The following MYO1B variants were observed in gnomAD, a reference collection of about 807,000 sequenced individuals.
The protein encoded by MYO1B is myosin IB.
Under a neutral mutation model 159.7 loss-of-function variants are expected in MYO1B, and 72 were observed. The observed-to-expected ratio is 0.45, with a 90% CI of 0.37 to 0.55. The LOEUF is 0.55. MYO1B is among the 20% of genes least tolerant of loss of function. MYO1B has a pLI of 0.00. For missense variants in MYO1B, 1,062 were observed against 1,364.8 expected (o/e 0.78, Z 3.50); for synonymous variants, 468 against 473.8 (o/e 0.99, Z 0.16).
chr2:191,400,971 C>T, intron 23 of MYO1B, 136 bp downstream of exon 23: 1 of 784,938 alleles, frequency 1.3e-6, no homozygotes, highest in Non-Finnish European at 2.0e-6. Flanking sequence ...CCAGATTTAA[C>T]ACACCTGGAA....
chr2:191,305,825 G>A (rs577273092), intron 3 of MYO1B, among the ~76,000 whole-genome samples: 7 of 152,298 alleles, frequency 4.6e-5, no homozygotes, highest in Admixed American at 3.9e-4. Context: ...AGCCCTGCCT[G>A]AGGAGCTAGG....
chr2:191,315,146 ACCGT>A (rs1025962897), intron 3 of MYO1B, among the ~76,000 whole-genome samples: 25 of 130,002 alleles, frequency 1.9e-4, no homozygotes, highest in African/African-American at 7.0e-4. Flanking sequence ...TTATCCTCCC[ACCGT>A]CCGTCCGTCC....
At chr2:191,296,516 A>G (rs1688994616) in intron 3 of MYO1B, among the ~76,000 whole-genome samples, 1 of 152,232 alleles carries the variant, frequency 6.6e-6, no homozygotes, top group Admixed American at 6.5e-5. Context: ...TGCAAATAAA[A>G]CAGGAATGTG....
At chr2:191,353,534 C>G (rs974540846) in intron 7 of MYO1B, among the ~76,000 whole-genome samples, 3 of 152,200 alleles carry the variant, frequency 2.0e-5, no homozygotes, top group African/African-American at 7.2e-5. Flanking sequence ...GTTCACATTA[C>G]CTTATCAAGA....
intron 2 of MYO1B, among the ~76,000 whole-genome samples, chr2:191,289,274 C>T (rs925664529): frequency 3.3e-5 from 5 of 152,162 alleles, no homozygotes; most frequent in African/African-American, 4.8e-5. Context: ...TGCTTTTTAC[C>T]AAAGCTTCCC....
intron 17 of MYO1B, among the ~76,000 whole-genome samples, chr2:191,388,913 CTTAA>C (rs1317916008): frequency 1.3e-5 from 2 of 152,044 alleles, no homozygotes; most frequent in Non-Finnish European, 2.9e-5. Flanking sequence ...TCTAAGAAAT[CTTAA>C]TTAATAAACC....
At chr2:191,269,228 T>C (rs141863203) in intron 1 of MYO1B, among the ~76,000 whole-genome samples, 1 of 152,338 alleles carries the variant, frequency 6.6e-6, no homozygotes, top group African/African-American at 2.4e-5. Flanking sequence ...CTTTTCTGTG[T>C]ACCTTATATA....
At chr2:191,274,747 T>C (rs1687648077) in intron 1 of MYO1B, among the ~76,000 whole-genome samples, 1 of 152,174 alleles carries the variant, frequency 6.6e-6, no homozygotes, top group Admixed American at 6.5e-5. Context: ...GGCTCTGGCT[T>C]CACCGTCTCT....
chr2:191,360,501 A>G, intron 7 of MYO1B, 130 bp from the exon 8 acceptor site: 1 of 607,430 alleles, frequency 1.6e-6, no homozygotes, highest in Non-Finnish European at 2.9e-6. Flanking sequence ...AGAACTGAAA[A>G]TACAGCTTCC....
intron 9 of MYO1B, among the ~76,000 whole-genome samples, chr2:191,363,089 TA>T (rs1229078994): frequency 6.6e-6 from 1 of 152,254 alleles, no homozygotes; most frequent in Non-Finnish European, 1.5e-5. Flanking sequence ...TAGTCATTTT[TA>T]AAAAGCCAGC....
intron 13 of MYO1B, chr2:191,380,971 CAT>C: frequency 3.9e-6 from 1 of 258,580 alleles, no homozygotes; most frequent in Non-Finnish European, 7.6e-6. Flanking sequence ...CACATACACA[CAT>C]GTTCGTATAA....
At chr2:191,263,228 A>C (rs542771115) in intron 1 of MYO1B, 1 of 660,214 alleles carries the variant, frequency 1.5e-6, no homozygotes, top group Non-Finnish European at 1.9e-6. Flanking sequence ...TCCTAGCCAC[A>C]GGATATTGAC....
intron 30 of MYO1B, among the ~76,000 whole-genome samples, chr2:191,420,779 T>C (rs1327250804): frequency 2.6e-5 from 4 of 152,230 alleles, no homozygotes; most frequent in Admixed American, 2.0e-4. Context: ...GATACACATA[T>C]ATCATTTAAG....
At chr2:191,289,336 C>A (rs912881411) in intron 2 of MYO1B, among the ~76,000 whole-genome samples, 2 of 152,242 alleles carry the variant, frequency 1.3e-5, no homozygotes, top group Admixed American at 1.3e-4. Context: ...AGAACAGATT[C>A]TTGTCTCCTT....
chr2:191,401,069 C>T, intron 23 of MYO1B, among the ~76,000 whole-genome samples: 1 of 152,124 alleles, frequency 6.6e-6, no homozygotes, highest in East Asian at 1.9e-4. Context: ...AGTATCATTG[C>T]TCTTTAAAAC....
At chr2:191,347,856 A>T (rs1692666858) in intron 6 of MYO1B, among the ~76,000 whole-genome samples, 1 of 152,194 alleles carries the variant, frequency 6.6e-6, no homozygotes, top group Non-Finnish European at 1.5e-5. Context: ...GGGAAATTGC[A>T]ATGTCTTCGA....
chr2:191,375,511 A>AGATAGATAGATAGATG (rs1388226602), intron 13 of MYO1B, among the ~76,000 whole-genome samples: 36 of 151,900 alleles, frequency 2.4e-4, no homozygotes, highest in African/African-American at 7.7e-4. Flanking sequence ...ATAGATAGAT[A>AGATAGATAGATAGATG]GATGGATCCA....
At chr2:191,297,117 C>G (rs1221366908) in intron 3 of MYO1B, among the ~76,000 whole-genome samples, 4 of 151,192 alleles carry the variant, frequency 2.6e-5, no homozygotes, top group African/African-American at 9.7e-5. Context: ...AATATGTTCA[C>G]CATTTACATT....
Position 191,387,229 on chromosome 2 carries a change from G to A in MYO1B, c.1560G>A (p.Leu520=), listed in dbSNP as rs943760938. 1.2e-6 allele frequency: 2 copies of A among 1,613,932 alleles called. No individual in the cohort carries two copies. The highest frequency in any genetic ancestry group is 8.5e-7 in the Non-Finnish European group (1 of 1,179,876). ...GTTACATGTGCTGCTTATAGGTGCT[G>A]TACCAGGTGGAAGGATTCGTTGACA... The part of the protein sequence containing the change: ...FRIQHYAGKV[L]YQVEGFVDKN... Residue 520 remains leucine, a synonymous_variant, in exon 17 of 31, where the codon CTG becomes CTA. Coordinates refer to ENST00000392318, the MANE Select transcript of MYO1B (RefSeq NM_001130158.3).
Sources: allele counts gnomAD v4.1 joint callset (sites outside exome capture counted in the v4.1 genomes callset), GRCh38; gene constraint gnomAD v4.1.1; transcripts MANE v1.5; gene names NCBI Gene and HGNC (gene_info 2026-07-23, HGNC 2026-07-21).